The following ZNF274 variants were observed in gnomAD, a reference collection of about 807,000 sequenced individuals.
The protein encoded by ZNF274 is zinc finger protein 274, also known as neurotrophin receptor-interacting factor homolog.
A neutral mutation model predicts 42.5 loss-of-function variants in ZNF274; 23 were observed. The observed-to-expected ratio is 0.54, with a 90% CI of 0.39 to 0.77. The LOEUF (loss-of-function observed/expected upper bound fraction) is 0.77, where lower values mean the gene tolerates loss of function less well. ZNF274 is among the 30% of genes least tolerant of loss of function. The pLI is 0.00. For missense variants in ZNF274, 679 were observed against 806.5 expected (o/e 0.84, Z 1.91); for synonymous variants, 292 against 305.4 (o/e 0.96, Z 0.46).
Position 58,186,280 on chromosome 19 carries a change from G to A in ZNF274, c.160+442G>A, listed in dbSNP as rs140261029. The stretch of plus-strand genomic sequence containing the variant: ...CAAAGAGCCTGTCCCTGCCAGGCAC[G>A]GTAGCTTACGCCTGTAATCCTGGCA... On this transcript the variant is annotated intron_variant, in intron 3 of 7. Transcript: ENST00000617501. 2.7e-4 allele frequency: 41 copies of A among 152,210 alleles called. No individual in the cohort carries two copies. In the East Asian group the frequency reaches 6.8e-3, roughly 25 times the overall value. The allele number at this position is 152,210 out of a possible 1,614,324, so 9.4% of individuals were successfully genotyped here. A position where few individuals can be genotyped will look rare whatever the true frequency, so the allele number is the denominator to read the frequency against.
At chr19:58,187,826 A>C (rs761710989) in intron 4 of ZNF274, among the ~76,000 whole-genome samples, 1 of 152,186 alleles carries the variant, frequency 6.6e-6, no homozygotes, top group African/African-American at 2.4e-5. Flanking sequence ...CCTGGGTTCA[A>C]GTGATTTTCC....
Position 58,212,958 on chromosome 19 carries a change from T to C in ZNF274, c.1777T>C (p.Cys593Arg). Residue 593 changes from cysteine (C) to arginine (R), a missense_variant, in exon 8 of 8, where the codon TGT (cysteine) becomes CGT (arginine). Transcript: ENST00000617501. This position sits in a 1 kb window ranked among gnomAD's most constrained non-coding sequence, Gnocchi z 4.6. ...RTHTGAKPYK[C>R]QDCGKAFRQS... ...TCACACTGGCGCTAAGCCCTACAAG[T>C]GTCAGGACTGTGGAAAAGCCTTCCG... 1 of 1,613,988 alleles carries C rather than the reference T, an allele frequency of 6.2e-7. No individual in the cohort carries two copies. The highest frequency in any genetic ancestry group is 8.5e-7 in the Non-Finnish European group (1 of 1,179,884).
intron 4 of ZNF274, among the ~76,000 whole-genome samples, chr19:58,195,855 C>T (rs1185024306): frequency 1.3e-5 from 2 of 152,150 alleles, no homozygotes; most frequent in East Asian, 3.9e-4. Context: ...GAGTCCAGTG[C>T]CACTGCGGAT....
chr19:58,190,602 C>A (rs910667422), intron 4 of ZNF274, among the ~76,000 whole-genome samples: 6 of 152,138 alleles, frequency 3.9e-5, no homozygotes, highest in Non-Finnish European at 8.8e-5. Context: ...AATTCTTCTC[C>A]TTTGAGCAGT....
At chr19:58,205,677 T>G (rs965674849) in intron 4 of ZNF274, among the ~76,000 whole-genome samples, 1 of 152,172 alleles carries the variant, frequency 6.6e-6, no homozygotes, top group Non-Finnish European at 1.5e-5. Context: ...TTTAGAGAGC[T>G]TTCTTGTTTC....
intron 4 of ZNF274, among the ~76,000 whole-genome samples, chr19:58,195,183 T>TG (rs1339544073): frequency 6.9e-6 from 1 of 145,826 alleles, no homozygotes; most frequent in Non-Finnish European, 1.5e-5. Flanking sequence ...GGCGACAGAG[T>TG]GAGACTCTGT....
At position 58,212,135 on chromosome 19, in the gene ZNF274, C is replaced by T. The variant is rs781157971; in HGVS notation, c.980-26C>T. Reference sequence around the variant, plus strand: ...ATCCCAGCACATCTCTCTATGGGATCCACATCTTTTGTTTATTTTTTTCAG... The same window carrying T: ...ATCCCAGCACATCTCTCTATGGGATTCACATCTTTTGTTTATTTTTTTCAG... On this transcript the variant is annotated intron_variant, in intron 7 of 7. Coordinates refer to ENST00000617501, the MANE Select transcript of ZNF274 (RefSeq NM_133502.3). This position sits in a 1 kb window ranked among gnomAD's most constrained non-coding sequence, Gnocchi z 4.6. The T allele has an allele frequency of 1.8e-5, 29 of 1,578,652 alleles. No individual in the cohort carries two copies. Among genetic ancestry groups the T allele is most frequent in the Non-Finnish European group, 2.3e-5 (27 of 1,169,660 alleles).
At chr19:58,184,382 T>G in intron 2 of ZNF274, 1 of 168,492 alleles carries the variant, frequency 5.9e-6, no homozygotes, top group Non-Finnish European at 1.3e-5. Context: ...CTCCGCCTCC[T>G]GGGTTCAAGT....
intron 2 of ZNF274, chr19:58,185,480 A>G (rs2075686900): frequency 1.2e-5 from 3 of 250,748 alleles, no homozygotes; most frequent in South Asian, 1.7e-4. Context: ...ACAGATTTTC[A>G]TATGCTACAG....
At chr19:58,186,883 A>G (rs1330848734) in intron 3 of ZNF274, 64 bp from the exon 4 acceptor site, 5 of 1,410,184 alleles carry the variant, frequency 3.5e-6, no homozygotes, top group Middle Eastern at 1.8e-4. Context: ...CTTGTGCTGC[A>G]GTAGGATAGC....
At chr19:58,201,203 G>T (rs1335075719) in intron 4 of ZNF274, among the ~76,000 whole-genome samples, 6 of 149,238 alleles carry the variant, frequency 4.0e-5, no homozygotes, top group Non-Finnish European at 8.9e-5. Flanking sequence ...GTGGAGATGG[G>T]GTTTTGCCAT....
At chr19:58,188,617 AAAAATAT>A (rs1296492165) in intron 4 of ZNF274, among the ~76,000 whole-genome samples, 19 of 58,182 alleles carry the variant, frequency 3.3e-4, no homozygotes, top group African/African-American at 9.2e-4. Flanking sequence ...AAAAAAAAAA[AAAAATAT>A]ATATATATAT....
rs77428249 is a variant in ZNF274 at position 58,192,324 on chromosome 19, G to A, written c.256+5282G>A. On this transcript the variant is annotated intron_variant, in intron 4 of 7. Transcript: ENST00000617501. ...AGATTGGAGGCAGGCAGGGCCCGCA[G>A]TTATACTTGGTAATACCTGCTAACA... 5.5e-3 allele frequency among the ~76,000 whole-genome samples: 832 copies of A among 152,344 alleles called. 3 individuals are homozygous for A. Among genetic ancestry groups the A allele is most frequent in the Admixed American group, 9.7e-3 (148 of 15,300 alleles).
At chr19:58,193,445 CTTTTTTTTTT>C (rs71188098) in intron 4 of ZNF274, among the ~76,000 whole-genome samples, 1 of 47,784 alleles carries the variant, frequency 2.1e-5, no homozygotes, top group African/African-American at 9.6e-5. Context: ...CGCGCCTGGC[CTTTTTTTTTT>C]TTTTTTTTTT....
chr19:58,183,923 C>G lies in ZNF274; in HGVS notation c.-43C>G. ...CCTCCCAACTTCGGTTTCCTCAGGACTCTGCCCACTTCCACCAGAGACACA... is the reference window on the plus strand; with the variant it reads ...CCTCCCAACTTCGGTTTCCTCAGGAGTCTGCCCACTTCCACCAGAGACACA... On this transcript the variant is annotated splice_region_variant and 5_prime_UTR_variant, in exon 2 of 8. Transcript: ENST00000617501. 6.3e-7 allele frequency: 1 copy of G among 1,575,802 alleles called. No homozygotes were observed. The highest frequency in any genetic ancestry group is 8.6e-7 in the Non-Finnish European group (1 of 1,160,276).
intron 4 of ZNF274, among the ~76,000 whole-genome samples, chr19:58,195,964 C>T (rs1168387686): frequency 6.6e-6 from 1 of 152,056 alleles, no homozygotes; most frequent in East Asian, 1.9e-4. Flanking sequence ...AGCTGGGGAC[C>T]CCTGGTTTAA....
At chr19:58,190,270 C>A (rs2075764730) in intron 4 of ZNF274, among the ~76,000 whole-genome samples, 1 of 151,740 alleles carries the variant, frequency 6.6e-6, no homozygotes, top group East Asian at 2.0e-4. Context: ...GCCTCAGCCT[C>A]CTGAGTAGCT....
chr19:58,196,010 C>T (rs113538989), intron 4 of ZNF274, among the ~76,000 whole-genome samples: 13 of 152,334 alleles, frequency 8.5e-5, no homozygotes, highest in African/African-American at 2.9e-4. Flanking sequence ...AAATGGCATT[C>T]ATCCTCAGGA....
At position 58,199,652 on chromosome 19, in the gene ZNF274, G is replaced by T. The variant is rs149127452; in HGVS notation, c.257-7068G>T. On this transcript the variant is annotated intron_variant, in intron 4 of 7. Coordinates refer to ENST00000617501, the MANE Select transcript of ZNF274 (RefSeq NM_133502.3). ...TGCTTGAACTCAGGAGTTGGATGTT[G>T]CCATGAGCAGAGATCGCACTACTGC... is the stretch of plus-strand genomic sequence containing the variant. 4.7e-4 allele frequency among the ~76,000 whole-genome samples: 72 copies of T among 152,352 alleles called. No individual in the cohort carries two copies. In the East Asian group the frequency reaches 5.8e-3, roughly 12 times the overall value.
Sources: gnomAD v4.1 joint callset for allele counts (sites outside exome capture counted in the v4.1 genomes callset) on GRCh38, gnomAD v4.1.1 for gene constraint, Gnocchi (gnomAD v3.1) non-coding constraint, MANE v1.5 for transcripts, NCBI Gene and HGNC (gene_info 2026-07-23, HGNC 2026-07-21) for gene names.